The following MCF2L variants were observed in gnomAD, a reference collection of about 807,000 sequenced individuals.
MCF2L encodes MCF.2 cell line derived transforming sequence like.
A neutral mutation model predicts 153.4 loss-of-function variants in MCF2L; 97 were observed. The observed-to-expected ratio is 0.63, with a 90% CI of 0.54 to 0.75. The LOEUF (loss-of-function observed/expected upper bound fraction) is 0.75. MCF2L is among the 30% of genes least tolerant of loss of function. The probability of loss-of-function intolerance (pLI) is 0.00; values close to 1 mark genes in which losing one functional copy is unlikely to be tolerated. For missense variants in MCF2L, 1,347 were observed against 1,495.2 expected (o/e 0.90, Z 1.64); for synonymous variants, 659 against 632.2 (o/e 1.04, Z -0.64).
intron 2 of MCF2L, among the ~76,000 whole-genome samples, chr13:112,933,447 A>G (rs1036709080): frequency 3.3e-5 from 5 of 152,228 alleles, no homozygotes; most frequent in Non-Finnish European, 5.9e-5. Flanking sequence ...AACCAGGTCC[A>G]GCCTCGTGCT....
intron 1 of MCF2L, chr13:112,985,287 A>G: frequency 2.4e-6 from 1 of 411,060 alleles, no homozygotes; most frequent in Non-Finnish European, 5.1e-6. Flanking sequence ...TGCAGATTTT[A>G]GGGGACAAAG....
chr13:112,921,322 G>A (rs991928113), intron 2 of MCF2L, among the ~76,000 whole-genome samples: 3 of 152,192 alleles, frequency 2.0e-5, no homozygotes, highest in African/African-American at 4.8e-5. Context: ...GCCTAACAAC[G>A]CAGAATTCAG....
chr13:112,919,365 C>T (rs1175976972), intron 2 of MCF2L, among the ~76,000 whole-genome samples: 35 of 151,452 alleles, frequency 2.3e-4, no homozygotes, highest in African/African-American at 8.5e-4. Context: ...GCCACTACGC[C>T]CGGCTAATTT....
chr13:113,002,207 C>T (rs1160022923), intron 1 of MCF2L, among the ~76,000 whole-genome samples: 3 of 152,138 alleles, frequency 2.0e-5, no homozygotes, highest in African/African-American at 4.8e-5. Context: ...GGGCCTTGCC[C>T]GATGGATGGT....
At chr13:112,917,857 T>G (rs940131972) in intron 2 of MCF2L, among the ~76,000 whole-genome samples, 1 of 152,202 alleles carries the variant, frequency 6.6e-6, no homozygotes, top group Admixed American at 6.5e-5. Context: ...TTCTAGACCC[T>G]CTGGACTCTG....
chr13:112,942,229 A>G (rs1254310328), intron 2 of MCF2L, among the ~76,000 whole-genome samples: 1 of 152,212 alleles, frequency 6.6e-6, no homozygotes, highest in Non-Finnish European at 1.5e-5. Context: ...TTTCCCTTTT[A>G]GATAGCAGTA....
At chr13:112,999,742 C>T (rs941122905) in intron 1 of MCF2L, among the ~76,000 whole-genome samples, 5 of 152,200 alleles carry the variant, frequency 3.3e-5, no homozygotes, top group African/African-American at 1.2e-4. Flanking sequence ...GGTGAGGACA[C>T]GTTGGACTGT....
At chr13:113,039,329 G>A (rs2086341690) in intron 3 of MCF2L, among the ~76,000 whole-genome samples, 1 of 152,152 alleles carries the variant, frequency 6.6e-6, no homozygotes, top group African/African-American at 2.4e-5. Context: ...AGGTGTAAAT[G>A]TGAACTCTAA....
At chr13:113,011,981 T>C (rs1451975833) in intron 1 of MCF2L, among the ~76,000 whole-genome samples, 13 of 85,430 alleles carry the variant, frequency 1.5e-4, no homozygotes, top group South Asian at 6.4e-4. Context: ...GCTGGGTGGA[T>C]GGTGGACACT....
intron 27 of MCF2L, chr13:113,095,480 A>G (rs1436995233): frequency 3.7e-6 from 4 of 1,071,622 alleles, no homozygotes; most frequent in Non-Finnish European, 4.5e-6. Flanking sequence ...GGGCCTGGGG[A>G]GGGATTTGGA....
chr13:112,942,420 G>A (rs2081585221), intron 2 of MCF2L, among the ~76,000 whole-genome samples: 2 of 152,070 alleles, frequency 1.3e-5, no homozygotes, highest in Admixed American at 6.5e-5. Flanking sequence ...CTGTCCCTTT[G>A]TCTTGTATCC....
At chr13:113,047,690 C>T (rs2086901651) in intron 4 of MCF2L, among the ~76,000 whole-genome samples, 2 of 152,246 alleles carry the variant, frequency 1.3e-5, no homozygotes, top group South Asian at 2.1e-4. Context: ...CTTTCATGCC[C>T]GTGGGGTCCA....
intron 2 of MCF2L, among the ~76,000 whole-genome samples, chr13:112,945,001 A>T (rs200884270): frequency 7.0e-4 from 98 of 139,340 alleles, no homozygotes; most frequent in African/African-American, 2.2e-3. Context: ...AGGCACCACT[A>T]TTTTTTTTTT....
In MCF2L at chr13:113,031,957, C is replaced by T. The variant is rs1044667374; in HGVS notation, c.278+7199C>T. On this transcript the variant is annotated intron_variant, in intron 3 of 29. Coordinates refer to ENST00000535094, the MANE Select transcript of MCF2L (RefSeq NM_001112732.3). This position sits in a 1 kb window ranked among gnomAD's most constrained non-coding sequence, Gnocchi z 5.5. The stretch of plus-strand genomic sequence containing the variant: ...AGATGTGCATGTGTATAACCACACA[C>T]GTGCGCACACACACACATGCAAGTG... Among the ~76,000 whole-genome samples, 8 of 152,236 alleles carry T rather than the reference C, an allele frequency of 5.3e-5. No homozygotes were observed. The highest frequency in any genetic ancestry group is 2.1e-4 in the South Asian group (1 of 4,828).
intron 17 of MCF2L, among the ~76,000 whole-genome samples, chr13:113,082,934 G>A (rs534705591): frequency 3.7e-4 from 56 of 152,226 alleles, no homozygotes; most frequent in Non-Finnish European, 7.6e-4. Context: ...GGGGGTCACC[G>A]AAGGCCATAC....
At chr13:112,954,549 G>T (rs969117953) in intron 2 of MCF2L, among the ~76,000 whole-genome samples, 2 of 152,208 alleles carry the variant, frequency 1.3e-5, no homozygotes, top group African/African-American at 4.8e-5. Flanking sequence ...GGGTTTGCAT[G>T]GAATGACTGC....
chr13:112,999,443 T>C (rs1394254454), intron 1 of MCF2L, among the ~76,000 whole-genome samples: 1 of 152,100 alleles, frequency 6.6e-6, no homozygotes, highest in African/African-American at 2.4e-5. Flanking sequence ...ACTGTCCCTC[T>C]GTTTAAAAAC....
intron 21 of MCF2L, 70 bp from the exon 22 acceptor site, chr13:113,087,165 A>T (rs2034712195): frequency 1.5e-6 from 2 of 1,357,044 alleles, no homozygotes; most frequent in Non-Finnish European, 1.0e-6. Flanking sequence ...GGCTGCTTTC[A>T]CTCAGCGATG....
Position 113,075,052 on chromosome 13 carries a change from A to G in MCF2L, c.1171A>G (p.Asn391Asp). ...TCTGGACGGCGAGCAGCTCATTGGG[A>G]ACAAGCACTACGCGGTAGACTCCAT... ...LSLDGEQLIGNKHYAVDSIRP... is the reference protein window; with the variant it reads ...LSLDGEQLIGDKHYAVDSIRP... The change falls in exon 11 of 30, where the codon AAC (asparagine) becomes GAC (aspartate). Residue 391 changes from asparagine to aspartate, a missense_variant. Physicochemically the swap from Asn to Asp is conservative, Grantham distance 23. Around this residue, in one of 3 missense-constraint regions of MCF2L, gnomAD observed 820 missense variants for 921.2 expected, o/e 0.89. Coordinates refer to ENST00000535094, the MANE Select transcript of MCF2L (RefSeq NM_001112732.3). The G allele has an allele frequency of 6.2e-7, 1 of 1,613,416 alleles. No individual in the cohort carries two copies. The highest frequency in any genetic ancestry group is 8.5e-7 in the Non-Finnish European group (1 of 1,179,686).
Sources: gnomAD v4.1 joint callset for allele counts (sites outside exome capture counted in the v4.1 genomes callset) on GRCh38, gnomAD v4.1.1 for gene constraint, gnomAD v4.1.1 regional missense constraint, Gnocchi (gnomAD v3.1) non-coding constraint, MANE v1.5 for transcripts, NCBI Gene and HGNC (gene_info 2026-07-23, HGNC 2026-07-21) for gene names.